VAX1: variants seen among roughly 807,000 people sequenced by gnomAD.
The protein encoded by VAX1 is ventral anterior homeobox 1.
Under a neutral mutation model 17.6 loss-of-function variants are expected in VAX1, and 6 were observed. The observed-to-expected ratio is 0.34, with a 90% CI of 0.19 to 0.67. The LOEUF is 0.67. Ranked by LOEUF, VAX1 falls within the 30% of genes least tolerant of loss-of-function variation. The pLI is 0.69. For synonymous variants in VAX1, 256 were observed against 227.4 expected (o/e 1.13, Z -1.13); for missense variants, 408 against 463.7 (o/e 0.88, Z 1.10).
At chr10:117,133,286 C>T, downstream of VAX1, 1 of 985,444 alleles carries the variant, frequency 1.0e-6, no homozygotes. Context: ...GGTTCCACTT[C>T]ATCTGGTTTT....
At position 117,134,089 on chromosome 10, in the gene VAX1, G is replaced by C; in HGVS notation, c.924C>G (p.Ala308=). ...SLAGNLQELS[A]RYLSSSAFEP... ...CGAAGGCCGAGGAGCTCAGATATCG[G>C]GCGGAGAGTTCTTGCAAATTCCCAG... The change falls in exon 3 of 3, where the codon GCC becomes GCG. Residue 308 remains alanine, a synonymous_variant. Transcript: ENST00000369206. The surrounding 1 kb of genome is among the most constrained non-coding windows in gnomAD (Gnocchi z 6.2). The C allele has an allele frequency of 6.5e-7, 1 of 1,537,070 alleles. No homozygotes were observed. Among genetic ancestry groups the C allele is most frequent in the Non-Finnish European group, 8.8e-7 (1 of 1,140,848 alleles).
rs977663663 is a variant in VAX1 at position 117,134,339 on chromosome 10, G to A, written c.674C>T (p.Ser225Leu). 2 of 1,064,902 alleles carry A rather than the reference G, an allele frequency of 1.9e-6. No individual in the cohort carries two copies. Among genetic ancestry groups the A allele is most frequent in the African/African-American group, 1.7e-5 (1 of 58,514 alleles). The allele number at this position is 1,064,902 out of a possible 1,614,324, so 66.0% of individuals were successfully genotyped here. A position where few individuals can be genotyped will look rare whatever the true frequency, so the allele number is the denominator to read the frequency against. ...PALGAGAAAG[S>L]AAAAAAAAPG... The stretch of plus-strand genomic sequence containing the variant: ...GGCGGCGGCGGCGGCTGCGGCGGCC[G>A]AGCCTGCAGCGGCGCCCGCGCCCAG... The change falls in exon 3 of 3, where the codon TCG becomes TTG. Residue 225 changes from serine to leucine, a missense_variant. Around this residue, in one of 4 missense-constraint regions of VAX1, gnomAD observed 196 missense variants for 218.7 expected, o/e 0.90. Coordinates refer to ENST00000369206, the MANE Select transcript of VAX1 (RefSeq NM_001112704.2). The surrounding 1 kb of genome is among the most constrained non-coding windows in gnomAD (Gnocchi z 6.2).
At chr10:117,128,849 C>G (rs1854049058), downstream of VAX1, 1 of 152,180 alleles carries the variant, frequency 6.6e-6, no homozygotes, top group African/African-American at 2.4e-5. Context: ...CCTCCTTTCC[C>G]CAAACTACCA....
At position 117,134,513 on chromosome 10, in the gene VAX1, G is replaced by T; in HGVS notation, c.500C>A (p.Ser167Ter). 6.5e-7 allele frequency: 1 copy of T among 1,531,792 alleles called. No homozygotes were observed. 94.9% of individuals were successfully genotyped at this position (1,531,792 alleles called of 1,614,324 possible). ...CGTGGCCGCGGTCTCCGACACCACC[G>T]AGCGTAGCTCCGAGTCCTTGCCCTG... ...KDQGKDSELR[S>*]VVSETAATCS... is the part of the protein sequence containing the mutation. The change falls in exon 3 of 3, where the codon TCG (serine) becomes TAG (stop). Residue 167 changes from serine to a stop codon, truncating the protein, a stop_gained. Transcript: ENST00000369206. LOFTEE classifies it low-confidence loss of function (END_TRUNC). The surrounding 1 kb of genome is among the most constrained non-coding windows in gnomAD (Gnocchi z 6.2).
rs1854192655 is a variant in VAX1, at chr10:117,137,124, G to A, written c.242-465C>T. Among the ~76,000 whole-genome samples, 2 of 151,666 alleles carry A rather than the reference G, an allele frequency of 1.3e-5. No homozygotes were observed. The stretch of plus-strand genomic sequence containing the variant: ...CGGAGTCCGCGCGGCGGAAGGAGGA[G>A]GGACTGAGTCGGGGCCGGCCGGGCC... On this transcript the variant is annotated intron_variant, in intron 1 of 2. Coordinates refer to ENST00000369206, the MANE Select transcript of VAX1 (RefSeq NM_001112704.2). The surrounding 1 kb of genome is among the most constrained non-coding windows in gnomAD (Gnocchi z 7.4).
In VAX1 at chr10:117,134,832, T is replaced by G. The variant is rs1262550463; in HGVS notation, c.430-249A>C. Among the ~76,000 whole-genome samples, 1 of 151,996 alleles carries G rather than the reference T, an allele frequency of 6.6e-6. No homozygotes were observed. The highest frequency in any genetic ancestry group is 1.5e-5 in the Non-Finnish European group (1 of 67,996). On this transcript the variant is annotated intron_variant, in intron 2 of 2. Transcript: ENST00000369206. This position sits in a 1 kb window ranked among gnomAD's most constrained non-coding sequence, Gnocchi z 6.2. ...GGAAGCAGGCCCAGGCAGGCGCCGC[T>G]TACACAGAACAAAGTAATAAAATGC...
Position 117,133,361 on chromosome 10 carries a change from T to C in VAX1, c.*647A>G. On this transcript the variant is annotated 3_prime_UTR_variant, in exon 3 of 3. Transcript: ENST00000369206. Reference sequence around the variant, plus strand: ...TCAGTGTCGTTGCCTACTACGACGTTTGTTACTGTTTCCTGGGGTCGGGGG... The same window carrying C: ...TCAGTGTCGTTGCCTACTACGACGTCTGTTACTGTTTCCTGGGGTCGGGGG... 1.0e-6 allele frequency: 1 copy of C among 985,558 alleles called. No homozygotes were observed. Among genetic ancestry groups the C allele is most frequent in the Non-Finnish European group, 1.2e-6 (1 of 830,030 alleles). The allele number at this position is 985,558 out of a possible 1,614,324, so 61.1% of individuals were successfully genotyped here.
Position 117,134,650 on chromosome 10 carries a change from C to T in VAX1, c.430-67G>A, listed in dbSNP as rs1344585182. 2 of 1,409,562 alleles carry T rather than the reference C, an allele frequency of 1.4e-6. No homozygotes were observed. The highest frequency in any genetic ancestry group is 1.5e-5 in the African/African-American group (1 of 66,786). 87.3% of individuals were successfully genotyped at this position (1,409,562 alleles called of 1,614,324 possible). A position where few individuals can be genotyped will look rare whatever the true frequency, so the allele number is the denominator to read the frequency against. The stretch of plus-strand genomic sequence containing the variant: ...GAAGACCAGCGTCAAAGGAAGCGAG[C>T]TCCCGGGGCGCGCGGCTCCGGGGCT... On this transcript the variant is annotated intron_variant, in intron 2 of 2. Coordinates refer to ENST00000369206, the MANE Select transcript of VAX1 (RefSeq NM_001112704.2). The surrounding 1 kb of genome is among the most constrained non-coding windows in gnomAD (Gnocchi z 6.2).
chr10:117,138,090 A>C lies in VAX1; in HGVS notation c.-34T>G, dbSNP rs757344134. On this transcript the variant is annotated 5_prime_UTR_variant, in exon 1 of 3. Transcript: ENST00000369206. Reference sequence around the variant, plus strand: ...ACAACAACAAAAACAGAAAGGAAAAAAAAAGCAAAAAAAAAAAAAAGGGGG... The same window carrying C: ...ACAACAACAAAAACAGAAAGGAAAACAAAAGCAAAAAAAAAAAAAAGGGGG... The C allele has an allele frequency of 1.3e-6, 1 of 745,410 alleles. No individual in the cohort carries two copies. The highest frequency in any genetic ancestry group is 1.9e-6 in the Non-Finnish European group (1 of 532,150). The allele number at this position is 745,410 out of a possible 1,614,324, so 46.2% of individuals were successfully genotyped here.
Position 117,134,313 on chromosome 10 carries a change from G to C in VAX1, c.700C>G (p.Pro234Ala). The C allele has an allele frequency of 9.3e-7, 1 of 1,071,514 alleles. No individual in the cohort carries two copies. Among genetic ancestry groups the C allele is most frequent in the Non-Finnish European group, 1.1e-6 (1 of 887,634 alleles). 66.4% of individuals were successfully genotyped at this position (1,071,514 alleles called of 1,614,324 possible). Residue 234 changes from proline (P) to alanine (A), a missense_variant, in exon 3 of 3, where the codon CCG becomes GCG. By Grantham distance (27) the Pro-to-Ala change is conservative (BLOSUM62 -1). Transcript: ENST00000369206. This position sits in a 1 kb window ranked among gnomAD's most constrained non-coding sequence, Gnocchi z 6.2. ...GGGGATGCAGCGCCCGCTGGGCCCG[G>C]GGCGGCGGCGGCGGCTGCGGCGGCC... Reference protein sequence around the residue: ...GSAAAAAAAAPGPAGAASPHP... With the variant: ...GSAAAAAAAAAGPAGAASPHP...
intron 2 of VAX1, among the ~76,000 whole-genome samples, chr10:117,135,942 C>G (rs1185497605): frequency 6.6e-6 from 1 of 152,244 alleles, no homozygotes; most frequent in Non-Finnish European, 1.5e-5. Flanking sequence ...GTCAGGGCAG[C>G]CTGATCTGCA....
At chr10:117,129,648 G>GTA (rs1854060011), downstream of VAX1, 1 of 358 alleles carries the variant, frequency 2.8e-3, no homozygotes, top group Non-Finnish European at 0.012. Flanking sequence ...TCAAGAAGGG[G>GTA]TGTGTGTGTG....
rs555828334 is a variant in VAX1 at position 117,138,129 on chromosome 10, G to GA, written c.-74dup. ...AAAAAAAGGGGGGGGGGCGGAGAAG[G>GA]AAAAAAAAAAGAGGAAAAAGGGGAC... is the stretch of plus-strand genomic sequence containing the variant. On this transcript the variant is annotated 5_prime_UTR_variant, in exon 1 of 3. Transcript: ENST00000369206. 2,635 of 491,106 alleles carry GA rather than the reference G, an allele frequency of 5.4e-3. 24 individuals carry two copies. Among genetic ancestry groups the GA allele is most frequent in the African/African-American group, 0.024 (993 of 42,178 alleles). 30.4% of individuals were successfully genotyped at this position (491,106 alleles called of 1,614,324 possible).
chr10:117,135,030 G>A (rs1854154015), intron 2 of VAX1, among the ~76,000 whole-genome samples: 1 of 152,210 alleles, frequency 6.6e-6, no homozygotes, highest in African/African-American at 2.4e-5. Flanking sequence ...AGGGAAGAAG[G>A]AAGAGGGAAG....
downstream of VAX1, chr10:117,132,572 C>T: frequency 7.2e-7 from 1 of 1,398,496 alleles, no homozygotes; most frequent in Non-Finnish European, 9.8e-7. The surrounding 1 kb of genome is among the most constrained non-coding windows in gnomAD (Gnocchi z 4.9). Context: ...TTTTCGCTTG[C>T]TTCAGATGGA....
chr10:117,134,607 G>A lies in VAX1; in HGVS notation c.430-24C>T. On this transcript the variant is annotated intron_variant, in intron 2 of 2. Coordinates refer to ENST00000369206, the MANE Select transcript of VAX1 (RefSeq NM_001112704.2). The surrounding 1 kb of genome is among the most constrained non-coding windows in gnomAD (Gnocchi z 6.2). The stretch of plus-strand genomic sequence containing the variant: ...ACCTGCGCGCCGGGGTGCGGGGAGA[G>A]TTGGAGAGAGGGGCAGGGAAGACCA... 1 of 1,506,638 alleles carries A rather than the reference G, an allele frequency of 6.6e-7. No homozygotes were observed. The highest frequency in any genetic ancestry group is 2.8e-5 in the East Asian group (1 of 36,360). The allele number at this position is 1,506,638 out of a possible 1,614,324, so 93.3% of individuals were successfully genotyped here.
chr10:117,136,611 A>T lies in VAX1; in HGVS notation c.290T>A (p.Leu97Ter). ...CGTGCGCGTCCTCTTAGGCCGGTCC[A>T]AGTCCAGGCCCTTGGGCAGGATGAT... ...REIILPKGLD[L>*]DRPKRTRTSF... The change falls in exon 2 of 3, where the codon TTG becomes TAG. Residue 97 changes from leucine to a stop codon, truncating the protein, a stop_gained. Coordinates refer to ENST00000369206, the MANE Select transcript of VAX1 (RefSeq NM_001112704.2). LOFTEE classifies it high-confidence loss of function. This position sits in a 1 kb window ranked among gnomAD's most constrained non-coding sequence, Gnocchi z 5.0. 6.2e-7 allele frequency: 1 copy of T among 1,613,500 alleles called. No individual in the cohort carries two copies. Among genetic ancestry groups the T allele is most frequent in the Non-Finnish European group, 8.5e-7 (1 of 1,179,774 alleles).
At chr10:117,133,037 G>A (rs537991403), downstream of VAX1, among the ~76,000 whole-genome samples, 35 of 152,348 alleles carry the variant, frequency 2.3e-4, no homozygotes, top group South Asian at 6.8e-3. Context: ...GCCGGCAGCC[G>A]CTTTGCTCTT....
In VAX1 at chr10:117,137,912, C is replaced by G; in HGVS notation, c.145G>C (p.Gly49Arg). ...GCAGCGCCCGACGCTGAGAAGGCGC[C>G]CTGCGGCTCCTTGAGGAAGGCGGCT... ...LPAAFLKEPQ[G>R]AFSASGAAED... The change falls in exon 1 of 3, where the codon GGC becomes CGC. Residue 49 changes from glycine to arginine, a missense_variant. By Grantham distance (125) the Gly-to-Arg change is moderately radical. Transcript: ENST00000369206. The surrounding 1 kb of genome is among the most constrained non-coding windows in gnomAD (Gnocchi z 7.4). The G allele has an allele frequency of 6.2e-7, 1 of 1,613,868 alleles. No individual in the cohort carries two copies. The highest frequency in any genetic ancestry group is 8.5e-7 in the Non-Finnish European group (1 of 1,179,978).
Sources: allele counts gnomAD v4.1 joint callset (sites outside exome capture counted in the v4.1 genomes callset), GRCh38; gene constraint gnomAD v4.1.1; regional missense constraint gnomAD v4.1.1; non-coding constraint Gnocchi (gnomAD v3.1); transcripts MANE v1.5; gene names NCBI Gene and HGNC (gene_info 2026-07-23, HGNC 2026-07-21).